The following CCDC178 variants were observed in gnomAD, a reference collection of about 807,000 sequenced individuals.
CCDC178 encodes coiled-coil domain containing 178.
In CCDC178, 126 loss-of-function variants were observed where a neutral mutation model predicts 117.4. That is an observed-to-expected ratio of 1.07 (90% CI 0.93 to 1.24). The LOEUF (loss-of-function observed/expected upper bound fraction) is 1.24, where lower values mean the gene tolerates loss of function less well. Ranked by LOEUF, CCDC178 falls within the 50% of genes most tolerant of loss-of-function variation. The pLI, the probability that CCDC178 is intolerant of heterozygous loss-of-function variation, is 0.00. For synonymous variants in CCDC178, 283 were observed against 313.4 expected, an observed-to-expected ratio of 0.90 and a Z score of 1.02; for missense variants, 1,030 against 986.9, an observed-to-expected ratio of 1.04 and a Z score of -0.59.
chr18:33,031,657 A>G (rs572486602), intron 21 of CCDC178, among the ~76,000 whole-genome samples: 1 of 152,172 alleles, frequency 6.6e-6, no homozygotes, highest in Non-Finnish European at 1.5e-5. Context: ...AGCTGGCTCC[A>G]GTACAGTTTT....
At chr18:33,260,108 G>A (rs2059724740) in intron 14 of CCDC178, among the ~76,000 whole-genome samples, 1 of 151,894 alleles carries the variant, frequency 6.6e-6, no homozygotes, top group Non-Finnish European at 1.5e-5. Flanking sequence ...TGCTCTCTCA[G>A]TCACTACCAC....
In CCDC178 at chr18:33,434,269, T is replaced by G. The variant is rs911630046; in HGVS notation, c.-23+5693A>C. On this transcript the variant is annotated intron_variant, in intron 2 of 22. Transcript: ENST00000383096. The stretch of plus-strand genomic sequence containing the variant: ...AAATAAGAGTGGAAATGTGTAGCCA[T>G]CTGGAGAATAAGAAAATCAAAAATA... 1.3e-5 allele frequency among the ~76,000 whole-genome samples: 2 copies of G among 152,094 alleles called. 1 individual carries two copies. Among genetic ancestry groups the G allele is most frequent in the Non-Finnish European group, 2.9e-5 (2 of 67,996 alleles).
intron 11 of CCDC178, among the ~76,000 whole-genome samples, chr18:33,319,272 A>G (rs1326989650): frequency 1.3e-5 from 2 of 151,734 alleles, no homozygotes; most frequent in African/African-American, 4.8e-5. Flanking sequence ...ATTCCCACCG[A>G]TGAGTGAGAA....
chr18:33,172,001 C>T (rs975534943), intron 20 of CCDC178, among the ~76,000 whole-genome samples: 4 of 152,156 alleles, frequency 2.6e-5, no homozygotes, highest in African/African-American at 9.7e-5. Flanking sequence ...ACCTCCACCT[C>T]CCAGGTTCAA....
intron 10 of CCDC178, among the ~76,000 whole-genome samples, chr18:33,329,841 C>T (rs557160170): frequency 7.2e-6 from 1 of 139,350 alleles, no homozygotes; most frequent in Non-Finnish European, 1.5e-5. Flanking sequence ...TCCTCTTTTC[C>T]TTTTGGAAGA....
intron 11 of CCDC178, among the ~76,000 whole-genome samples, chr18:33,322,274 G>A (rs1808034176): frequency 2.0e-5 from 3 of 151,854 alleles, no homozygotes; most frequent in African/African-American, 7.2e-5. Flanking sequence ...TATTTTAAAA[G>A]TGCAGATTCT....
chr18:33,368,059 A>C (rs1417087114), intron 6 of CCDC178, among the ~76,000 whole-genome samples: 1 of 151,990 alleles, frequency 6.6e-6, no homozygotes, highest in Non-Finnish European at 1.5e-5. Flanking sequence ...AGGATATAAA[A>C]CAGAGGTTGA....
At chr18:32,987,797 A>T (rs1465185049) in intron 21 of CCDC178, among the ~76,000 whole-genome samples, 1 of 152,176 alleles carries the variant, frequency 6.6e-6, no homozygotes, top group African/African-American at 2.4e-5. Flanking sequence ...TTATGAGTAA[A>T]GTTAAAAATA....
At chr18:33,018,756 C>T (rs1176645474) in intron 21 of CCDC178, among the ~76,000 whole-genome samples, 1 of 152,002 alleles carries the variant, frequency 6.6e-6, no homozygotes, top group East Asian at 1.9e-4. Flanking sequence ...TGTGTCTCCA[C>T]TGCTATTAAG....
At chr18:33,296,809 C>T (rs1314159949) in intron 11 of CCDC178, among the ~76,000 whole-genome samples, 1 of 152,070 alleles carries the variant, frequency 6.6e-6, no homozygotes, top group Non-Finnish European at 1.5e-5. Flanking sequence ...GGTGGATCAC[C>T]AGAGGTCAGG....
chr18:33,150,235 CT>C (rs1169852794), intron 20 of CCDC178, among the ~76,000 whole-genome samples: 1 of 152,134 alleles, frequency 6.6e-6, no homozygotes, highest in Admixed American at 6.5e-5. Context: ...CAAAAATCAA[CT>C]CAAGATGGAT....
chr18:33,365,472 T>C (rs985662372), intron 6 of CCDC178, among the ~76,000 whole-genome samples: 2 of 152,132 alleles, frequency 1.3e-5, no homozygotes, highest in Non-Finnish European at 2.9e-5. Context: ...AATCAGCCTC[T>C]GAAATCATTT....
intron 21 of CCDC178, among the ~76,000 whole-genome samples, chr18:33,005,834 G>A (rs2055736343): frequency 6.6e-6 from 1 of 152,018 alleles, no homozygotes; most frequent in East Asian, 1.9e-4. Flanking sequence ...GATCTTTTAC[G>A]ATACAACTCC....
In CCDC178 at chr18:33,293,360, A is replaced by C. The variant is rs750372548; in HGVS notation, c.1023-48T>G. ...TTTTATTCACATTAAAAGAAAAAAT[A>C]TATTTTAAATTATACTTAGGCCAGG... On this transcript the variant is annotated intron_variant, in intron 11 of 22. Transcript: ENST00000383096. 1.2e-5 allele frequency: 14 copies of C among 1,196,434 alleles called. No homozygotes were observed. The Admixed American group carries it at 3.3e-4, about 28-fold the overall frequency. 74.1% of individuals were successfully genotyped at this position (1,196,434 alleles called of 1,614,324 possible).
chr18:33,391,530 G>C (rs1230069187), intron 4 of CCDC178, among the ~76,000 whole-genome samples: 1 of 152,034 alleles, frequency 6.6e-6, no homozygotes, highest in African/African-American at 2.4e-5. Flanking sequence ...AGGTATGTTA[G>C]ACAACAATTC....
intron 5 of CCDC178, among the ~76,000 whole-genome samples, chr18:33,382,409 A>T (rs940928854): frequency 6.6e-6 from 1 of 152,188 alleles, no homozygotes; most frequent in East Asian, 1.9e-4. Context: ...CTGAATAGAA[A>T]CAGCCATCTT....
chr18:33,313,201 A>C (rs1201667179), intron 11 of CCDC178, among the ~76,000 whole-genome samples: 1 of 152,234 alleles, frequency 6.6e-6, no homozygotes, highest in African/African-American at 2.4e-5. Context: ...ATTTGGAAGA[A>C]AGGGGCATGT....
At chr18:33,084,810 CAAA>C (rs34977807) in intron 21 of CCDC178, among the ~76,000 whole-genome samples, 5 of 125,712 alleles carry the variant, frequency 4.0e-5, no homozygotes, top group Admixed American at 8.1e-5. Context: ...GGCCCCGTCT[CAAA>C]AAAAAAAAAA....
intron 21 of CCDC178, among the ~76,000 whole-genome samples, chr18:33,082,329 G>A (rs984603440): frequency 7.9e-5 from 12 of 151,968 alleles, no homozygotes; most frequent in African/African-American, 2.9e-4. Flanking sequence ...AAAATTAGCC[G>A]GGCATGGTGG....
Sources: allele counts gnomAD v4.1 joint callset (sites outside exome capture counted in the v4.1 genomes callset), GRCh38; gene constraint gnomAD v4.1.1; transcripts MANE v1.5; gene names NCBI Gene and HGNC (gene_info 2026-07-23, HGNC 2026-07-21).